The following TSG101 variants were observed in gnomAD, a reference collection of about 807,000 sequenced individuals.
TSG101 encodes tumor susceptibility gene 101 protein.
A neutral mutation model predicts 48.5 loss-of-function variants in TSG101; 19 were observed. The ratio of observed to expected loss-of-function variants is 0.39; its 90% CI spans 0.27 to 0.58. The LOEUF is 0.58. Ranked by LOEUF, TSG101 falls within the 20% of genes least tolerant of loss-of-function variation. The probability of loss-of-function intolerance (pLI) is 0.55; values close to 1 mark genes in which losing one functional copy is unlikely to be tolerated. For synonymous variants in TSG101, 174 were observed against 169.4 expected, an observed-to-expected ratio of 1.03 and a Z score of -0.21; for missense variants, 365 against 484.4, an observed-to-expected ratio of 0.75 and a Z score of 2.31.
chr11:18,505,758 A>C (rs1165711940), intron 6 of TSG101, among the ~76,000 whole-genome samples: 1 of 152,320 alleles, frequency 6.6e-6, no homozygotes, highest in Admixed American at 6.5e-5. Context: ...TCATGCGACA[A>C]GTTTGACCCC....
chr11:18,493,734 A>T (rs1425369314), intron 7 of TSG101, among the ~76,000 whole-genome samples: 1 of 152,254 alleles, frequency 6.6e-6, no homozygotes, highest in Non-Finnish European at 1.5e-5. Context: ...AACAAAAAAC[A>T]GGTCTATCTC....
intron 1 of TSG101, among the ~76,000 whole-genome samples, chr11:18,520,751 G>A (rs1365659966): frequency 6.6e-6 from 1 of 152,014 alleles, no homozygotes; most frequent in Non-Finnish European, 1.5e-5. Flanking sequence ...CAAAATTTCC[G>A]GCCAGGCGTG....
In TSG101 at chr11:18,520,945, C is replaced by T. The variant is rs577703512; in HGVS notation, c.43-1342G>A. ...ACTCAGGAGGCTGAGGCAGGAGAAT[C>T]GCTTGAACCCAGGAGGCAGAGGTTG... On this transcript the variant is annotated intron_variant, in intron 1 of 9. Transcript: ENST00000251968. Among the ~76,000 whole-genome samples, 378 of 151,910 alleles carry T rather than the reference C, an allele frequency of 2.5e-3. 5 individuals carry two copies. The highest frequency in any genetic ancestry group is 0.02 in the South Asian group (95 of 4,802).
intron 9 of TSG101, 132 bp from the exon 10 acceptor site, chr11:18,480,767 C>T: frequency 1.4e-6 from 1 of 700,698 alleles, no homozygotes; most frequent in Non-Finnish European, 2.4e-6. Flanking sequence ...GAATGAATAC[C>T]TCATTATATG....
At chr11:18,480,721 A>T in intron 9 of TSG101, 86 bp from the exon 10 acceptor site, 1 of 1,262,086 alleles carries the variant, frequency 7.9e-7, no homozygotes, top group Non-Finnish European at 1.1e-6. Flanking sequence ...CCTAGATGGG[A>T]TCTAAGAACC....
Position 18,526,869 on chromosome 11 carries a change from G to A in TSG101, c.-53C>T. 2 of 1,576,904 alleles carry A rather than the reference G, an allele frequency of 1.3e-6. No individual in the cohort carries two copies. Among genetic ancestry groups the A allele is most frequent in the Admixed American group, 1.8e-5 (1 of 56,752 alleles). Reference sequence around the variant, plus strand: ...GCAGGCAGAGGGTCAGCCGCTGCTGGGCTGCCCCAGACCGTCCCACACAAT... The same window carrying A: ...GCAGGCAGAGGGTCAGCCGCTGCTGAGCTGCCCCAGACCGTCCCACACAAT... On this transcript the variant is annotated 5_prime_UTR_variant, in exon 1 of 10. Transcript: ENST00000251968.
chr11:18,498,567 G>A (rs1849820803), intron 7 of TSG101, among the ~76,000 whole-genome samples: 1 of 152,142 alleles, frequency 6.6e-6, no homozygotes, highest in South Asian at 2.1e-4. Flanking sequence ...GATGGGGCAG[G>A]TGTTAGGAAG....
At position 18,526,864 on chromosome 11, in the gene TSG101, T is replaced by G. The variant is rs1309242809; in HGVS notation, c.-48A>C. The G allele has an allele frequency of 7.0e-6, 11 of 1,581,912 alleles. No homozygotes were observed. Among genetic ancestry groups the G allele is most frequent in the Non-Finnish European group, 9.4e-6 (11 of 1,170,412 alleles). On this transcript the variant is annotated 5_prime_UTR_variant, in exon 1 of 10. Coordinates refer to ENST00000251968, the MANE Select transcript of TSG101 (RefSeq NM_006292.4). ...TCCCCGCAGGCAGAGGGTCAGCCGC[T>G]GCTGGGCTGCCCCAGACCGTCCCAC... is the stretch of plus-strand genomic sequence containing the variant.
intron 7 of TSG101, among the ~76,000 whole-genome samples, chr11:18,498,951 T>C (rs956037001): frequency 5.9e-5 from 9 of 152,010 alleles, no homozygotes; most frequent in Non-Finnish European, 1.2e-4. Flanking sequence ...CAAATGCTGC[T>C]GATAGGACAA....
At chr11:18,495,481 G>T (rs2133911586) in intron 7 of TSG101, among the ~76,000 whole-genome samples, 1 of 152,244 alleles carries the variant, frequency 6.6e-6, no homozygotes, top group African/African-American at 2.4e-5. Flanking sequence ...TTTACCAGGG[G>T]CAGGGGTGGT....
chr11:18,480,420 T>C lies in TSG101; in HGVS notation c.*126A>G. 2.8e-6 allele frequency: 2 copies of C among 708,210 alleles called. No individual in the cohort carries two copies. Among genetic ancestry groups the C allele is most frequent in the South Asian group, 4.7e-5 (2 of 42,518 alleles). The allele number at this position is 708,210 out of a possible 1,614,324, so 43.9% of individuals were successfully genotyped here. ...CTTTACCAAAAGAAAACAGAAAATA[T>C]ATTATTGATTCAAAATATTTTACAC... On this transcript the variant is annotated 3_prime_UTR_variant, in exon 10 of 10. Coordinates refer to ENST00000251968, the MANE Select transcript of TSG101 (RefSeq NM_006292.4).
intron 7 of TSG101, chr11:18,490,400 G>T (rs1035608490): frequency 3.4e-6 from 2 of 591,964 alleles, no homozygotes; most frequent in Admixed American, 2.1e-5. Context: ...TTGCCAGGCT[G>T]CAGGCCTTTT....
At chr11:18,493,696 T>C (rs995171736) in intron 7 of TSG101, among the ~76,000 whole-genome samples, 1 of 152,118 alleles carries the variant, frequency 6.6e-6, no homozygotes. Context: ...CGAGAACATA[T>C]GAGGATTATT....
intron 7 of TSG101, among the ~76,000 whole-genome samples, chr11:18,498,777 G>A (rs554275077): frequency 6.6e-6 from 1 of 152,192 alleles, no homozygotes; most frequent in Middle Eastern, 3.4e-3. Context: ...AGGATAGAGA[G>A]TGCCAAGGAG....
intron 7 of TSG101, among the ~76,000 whole-genome samples, chr11:18,487,777 G>A (rs1287276065): frequency 6.6e-6 from 1 of 152,178 alleles, no homozygotes; most frequent in Non-Finnish European, 1.5e-5. Flanking sequence ...CCCAGCTCAT[G>A]CTTCAGTGAG....
At chr11:18,516,238 C>A in intron 2 of TSG101, 74 bp from the exon 3 acceptor site, 1 of 1,378,972 alleles carries the variant, frequency 7.3e-7, no homozygotes, top group South Asian at 1.2e-5. Context: ...TTCAGAAAGA[C>A]TGGTTAAAAT....
At chr11:18,510,984 A>G (rs1225342690) in intron 4 of TSG101, 1 of 152,188 alleles carries the variant, frequency 6.6e-6, no homozygotes, top group African/African-American at 2.4e-5. Flanking sequence ...ACCAACCACT[A>G]ATTAAGCTGT....
At chr11:18,480,720 G>T in intron 9 of TSG101, 85 bp from the exon 10 acceptor site, 1 of 1,278,614 alleles carries the variant, frequency 7.8e-7, no homozygotes, top group South Asian at 1.3e-5. Flanking sequence ...ACCTAGATGG[G>T]ATCTAAGAAC....
intron 1 of TSG101, among the ~76,000 whole-genome samples, chr11:18,520,356 C>T (rs1449376971): frequency 6.6e-6 from 1 of 152,012 alleles, no homozygotes; most frequent in Admixed American, 6.6e-5. Flanking sequence ...CCCAAGTATA[C>T]AGAACTACAG....
Sources: allele counts gnomAD v4.1 joint callset (sites outside exome capture counted in the v4.1 genomes callset), GRCh38; gene constraint gnomAD v4.1.1; transcripts MANE v1.5; gene names NCBI Gene and HGNC (gene_info 2026-07-23, HGNC 2026-07-21).